Variants in ODAD4 observed in about 807,000 individuals in gnomAD.
ODAD4 encodes the protein outer dynein arm-docking complex subunit 4.
A neutral mutation model predicts 51.8 loss-of-function variants in ODAD4; 49 were observed. That is an observed-to-expected ratio of 0.95 (90% CI 0.75 to 1.20). The LOEUF (loss-of-function observed/expected upper bound fraction) is 1.20, where lower values mean the gene tolerates loss of function less well. Among genes scored for constraint, ODAD4 ranks in the 50% most tolerant of loss-of-function variants. ODAD4 has a pLI of 0.00. For synonymous variants in ODAD4, 235 were observed against 221.3 expected (o/e 1.06, Z -0.55); for missense variants, 590 against 586.5 (o/e 1.01, Z -0.06).
At position 41,938,560 on chromosome 17, in the gene ODAD4, T is replaced by G; in HGVS notation, c.629T>G (p.Leu210Arg). ...TCCTCACACCCCTTCCCCACAGACC[T>G]GATCAAAGGCACCATGAAGGGCGGC... ...YLEKLLLDED[L>R]IKGTMKGGLT... The change falls in exon 6 of 12, where the codon CTG becomes CGG. Residue 210 changes from leucine (L) to arginine (R), a missense_variant. Physicochemically the swap from Leu to Arg is moderately radical, Grantham distance 102. Transcript: ENST00000377540. The G allele has an allele frequency of 1.2e-6, 2 of 1,613,526 alleles. No individual in the cohort carries two copies. Among genetic ancestry groups the G allele is most frequent in the Non-Finnish European group, 1.7e-6 (2 of 1,179,742 alleles).
In ODAD4 at chr17:41,938,801, G is replaced by A. The variant is rs782213804; in HGVS notation, c.850+20G>A. The A allele has an allele frequency of 6.2e-7, 1 of 1,609,124 alleles. No homozygotes were observed. Among genetic ancestry groups the A allele is most frequent in the African/African-American group, 1.3e-5 (1 of 74,994 alleles). On this transcript the variant is annotated intron_variant, in intron 6 of 11. Coordinates refer to ENST00000377540, the MANE Select transcript of ODAD4 (RefSeq NM_031421.5). ...ATATGTGTAGGTGTTGTTCTCAGAG[G>A]GTGGGGCAGGTGCCTCCAGTGCCTT... is the stretch of plus-strand genomic sequence containing the variant.
In ODAD4 at chr17:41,935,639, A is replaced by T. The variant is rs781874585; in HGVS notation, c.287A>T (p.Asp96Val). The T allele has an allele frequency of 8.1e-6, 13 of 1,613,236 alleles. No homozygotes were observed. The highest frequency in any genetic ancestry group is 8.5e-7 in the Non-Finnish European group (1 of 1,179,664). Residue 96 changes from aspartate to valine, a missense_variant, in exon 3 of 12, where the codon GAC (aspartate) becomes GTC (valine). This residue lies in a region of ODAD4 where 360 missense variants were observed against 407.5 expected (regional missense o/e 0.88). Coordinates refer to ENST00000377540, the MANE Select transcript of ODAD4 (RefSeq NM_031421.5). The part of the protein sequence containing the change: ...QKAETLYTMG[D>V]FEFALVFYHR... Reference sequence around the variant, plus strand: ...GCTGAGACACTGTACACCATGGGAGACTTTGAGTTTGCCTTGGTATTCTAT... The same window carrying T: ...GCTGAGACACTGTACACCATGGGAGTCTTTGAGTTTGCCTTGGTATTCTAT...
chr17:41,956,580 G>A (rs972306014), intron 10 of ODAD4, among the ~76,000 whole-genome samples: 2 of 150,100 alleles, frequency 1.3e-5, no homozygotes, highest in African/African-American at 2.5e-5. Flanking sequence ...GCAACATGGC[G>A]AAACCCTATC....
intron 11 of ODAD4, 52 bp from the exon 12 acceptor site, chr17:41,964,941 C>A: frequency 1.5e-6 from 1 of 653,952 alleles, no homozygotes; most frequent in South Asian, 1.8e-5. Flanking sequence ...CCGCACCCGG[C>A]CTGACATGAA....
intron 4 of ODAD4, 54 bp downstream of exon 4, chr17:41,936,588 C>T: frequency 6.4e-7 from 1 of 1,551,408 alleles, no homozygotes; most frequent in African/African-American, 1.4e-5. Context: ...GCTATGTGTG[C>T]CTGAGAAGGG....
In ODAD4 at chr17:41,950,373, C is replaced by T. The variant is rs1022243348; in HGVS notation, c.1342+1024C>T. 7.3e-5 allele frequency among the ~76,000 whole-genome samples: 11 copies of T among 151,168 alleles called. No homozygotes were observed. In the East Asian group the frequency reaches 1.2e-3, roughly 16 times the overall value. ...AGAGGTCCAGTAGACTCCCCAAGTCCTATGAGGGAAGCTTTTTTTTTTTTT... is the reference window on the plus strand; with the variant it reads ...AGAGGTCCAGTAGACTCCCCAAGTCTTATGAGGGAAGCTTTTTTTTTTTTT... On this transcript the variant is annotated intron_variant, in intron 9 of 11. Coordinates refer to ENST00000377540, the MANE Select transcript of ODAD4 (RefSeq NM_031421.5).
At position 41,936,353 on chromosome 17, in the gene ODAD4, C is replaced by A. The variant is rs2050426260; in HGVS notation, c.398-120C>A. 8.3e-6 allele frequency: 6 copies of A among 721,706 alleles called. 1 individual carries two copies. The East Asian group carries it at 1.4e-4, about 16-fold the overall frequency. The allele number at this position is 721,706 out of a possible 1,614,324, so 44.7% of individuals were successfully genotyped here. ...ATTTGCCTGCTAGGCTGGCTTAGGG[C>A]CAGCTTTGCCACAGCCTCCACCATC... On this transcript the variant is annotated intron_variant, in intron 3 of 11. Coordinates refer to ENST00000377540, the MANE Select transcript of ODAD4 (RefSeq NM_031421.5).
chr17:41,950,364 C>T (rs1445136374), intron 9 of ODAD4, among the ~76,000 whole-genome samples: 2 of 151,818 alleles, frequency 1.3e-5, no homozygotes, highest in African/African-American at 2.4e-5. Flanking sequence ...CCAGTAGACT[C>T]CCCAAGTCCT....
chr17:41,961,565 G>A, intron 11 of ODAD4, 99 bp downstream of exon 11: 1 of 687,216 alleles, frequency 1.5e-6, no homozygotes, highest in East Asian at 2.7e-5. Context: ...CCCAATCTGG[G>A]GGCTTGGCAC....
Position 41,951,526 on chromosome 17 carries a change from G to A in ODAD4, c.1342+2177G>A, listed in dbSNP as rs1400691944. 4.7e-5 allele frequency among the ~76,000 whole-genome samples: 7 copies of A among 150,214 alleles called. 1 individual carries two copies. In the Middle Eastern group the frequency reaches 0.014, roughly 292 times the overall value. On this transcript the variant is annotated intron_variant, in intron 9 of 11. Transcript: ENST00000377540. ...GCGATCTTGGCTCACTGCAACCTCC[G>A]CCTCCCGGGGTCAAGTGGTTTTCCT...
intron 4 of ODAD4, 29 bp from the exon 5 acceptor site, chr17:41,936,733 C>T (rs1555637869): frequency 6.2e-7 from 1 of 1,612,364 alleles, no homozygotes; most frequent in Non-Finnish European, 8.5e-7. Context: ...CTTGCTGAAG[C>T]TCTGTTGGGT....
chr17:41,937,401 G>A (rs1453923408), intron 5 of ODAD4, among the ~76,000 whole-genome samples: 2 of 152,178 alleles, frequency 1.3e-5, no homozygotes, highest in African/African-American at 4.8e-5. Context: ...GATTGGGAAG[G>A]AACTTTCATA....
intron 9 of ODAD4, among the ~76,000 whole-genome samples, chr17:41,950,075 T>G (rs2050633745): frequency 6.6e-6 from 1 of 151,950 alleles, no homozygotes; most frequent in Non-Finnish European, 1.5e-5. Flanking sequence ...GTTCAAGCGA[T>G]TCTCCTGCTT....
At chr17:41,964,515 C>G (rs1414302785) in intron 11 of ODAD4, among the ~76,000 whole-genome samples, 2 of 152,232 alleles carry the variant, frequency 1.3e-5, no homozygotes, top group Admixed American at 6.5e-5. Context: ...TTCCCTTTCT[C>G]TGCTTTTGGA....
At chr17:41,951,557 A>G in intron 9 of ODAD4, among the ~76,000 whole-genome samples, 1 of 150,754 alleles carries the variant, frequency 6.6e-6, no homozygotes, top group East Asian at 2.0e-4. Context: ...TTCCTGTCAC[A>G]TTGAGATAAC....
At chr17:41,949,718 G>A (rs2050629528) in intron 9 of ODAD4, among the ~76,000 whole-genome samples, 1 of 152,132 alleles carries the variant, frequency 6.6e-6, no homozygotes. Context: ...TGTTGCCCAG[G>A]CTGGAGTGCA....
chr17:41,933,932 C>G (rs1334168820), intron 1 of ODAD4, among the ~76,000 whole-genome samples: 2 of 151,776 alleles, frequency 1.3e-5, no homozygotes, highest in African/African-American at 4.8e-5. Context: ...TTGCCCTCAA[C>G]CCCACTTTAG....
At chr17:41,931,784 C>T (rs2050343424) in intron 1 of ODAD4, among the ~76,000 whole-genome samples, 1 of 152,148 alleles carries the variant, frequency 6.6e-6, no homozygotes, top group Non-Finnish European at 1.5e-5. Context: ...TCAAGTGATA[C>T]ACCTGCCTCG....
intron 10 of ODAD4, among the ~76,000 whole-genome samples, chr17:41,956,433 G>A (rs1391270821): frequency 2.7e-5 from 4 of 149,192 alleles, no homozygotes; most frequent in African/African-American, 9.9e-5. Context: ...TGATCTGCCC[G>A]CCTCGGCCTT....
Sources: allele counts gnomAD v4.1 joint callset (sites outside exome capture counted in the v4.1 genomes callset), GRCh38; gene constraint gnomAD v4.1.1; regional missense constraint gnomAD v4.1.1; transcripts MANE v1.5; gene names NCBI Gene and HGNC (gene_info 2026-07-23, HGNC 2026-07-21).